Variants in ADAMTS15 observed in about 807,000 individuals in gnomAD.
ADAMTS15 encodes ADAM metallopeptidase with thrombospondin type 1 motif 15.
A neutral mutation model predicts 79.1 loss-of-function variants in ADAMTS15; 35 were observed. The observed-to-expected ratio is 0.44, with a 90% CI of 0.34 to 0.59. ADAMTS15 has a LOEUF of 0.59. Among genes scored for constraint, ADAMTS15 ranks in the 20% least tolerant of loss-of-function variants. ADAMTS15 has a pLI of 0.02. For synonymous variants in ADAMTS15, 616 were observed against 567.3 expected (o/e 1.09, Z -1.22); for missense variants, 1,324 against 1,318.7 (o/e 1.00, Z -0.06).
intron 4 of ADAMTS15, among the ~76,000 whole-genome samples, chr11:130,464,882 G>T (rs568310029): frequency 6.6e-6 from 1 of 151,916 alleles, no homozygotes; most frequent in Non-Finnish European, 1.5e-5. Flanking sequence ...CAGAAGGATG[G>T]CTTGAACACG....
intron 5 of ADAMTS15, among the ~76,000 whole-genome samples, chr11:130,469,913 T>C (rs1938386736): frequency 6.6e-6 from 1 of 151,764 alleles, no homozygotes; most frequent in Non-Finnish European, 1.5e-5. Flanking sequence ...ATTAGTATTT[T>C]TTTAACTACC....
rs1488474529 is a variant in ADAMTS15, at chr11:130,462,736, C to T, written c.1498C>T (p.Leu500Phe). The T allele has an allele frequency of 1.0e-5, 16 of 1,605,272 alleles. No homozygotes were observed. Among genetic ancestry groups the T allele is most frequent in the African/African-American group, 2.7e-5 (2 of 74,814 alleles). Residue 500 changes from leucine (L) to phenylalanine (F), a missense_variant, in exon 4 of 8, where the codon CTC (leucine) becomes TTC (phenylalanine). Leu to Phe is a conservative substitution (Grantham distance 22, BLOSUM62 0). Transcript: ENST00000299164. The surrounding 1 kb of genome is among the most constrained non-coding windows in gnomAD (Gnocchi z 4.3). ...GTSCGEGKLC[L>F]KGACVERHNL... ...CAGCTGTGGCGAGGGCAAGCTCTGC[C>T]TCAAAGGGGCCTGCGTGGAGAGACA...
chr11:130,473,793 T>C lies in ADAMTS15; in HGVS notation c.2825T>C (p.Leu942Pro). Reference protein sequence around the residue: ...QCNLHRKPQELDFCVLRPC With the variant: ...QCNLHRKPQEPDFCVLRPC Reference sequence around the variant, plus strand: ...AACTTGCACCGCAAGCCCCAGGAGCTGGACTTCTGCGTCCTGAGGCCGTGC... The same window carrying C: ...AACTTGCACCGCAAGCCCCAGGAGCCGGACTTCTGCGTCCTGAGGCCGTGC... The change falls in exon 8 of 8, where the codon CTG becomes CCG. Residue 942 changes from leucine (L) to proline (P), a missense_variant. Physicochemically the swap from Leu to Pro is moderately conservative, Grantham distance 98 (BLOSUM62 -3). Coordinates refer to ENST00000299164, the MANE Select transcript of ADAMTS15 (RefSeq NM_139055.4). The C allele has an allele frequency of 6.3e-7, 1 of 1,598,134 alleles. No individual in the cohort carries two copies. Among genetic ancestry groups the C allele is most frequent in the Non-Finnish European group, 8.5e-7 (1 of 1,179,140 alleles).
chr11:130,470,207 T>TATATACAC (rs1204201965), intron 5 of ADAMTS15, among the ~76,000 whole-genome samples: 1 of 60,228 alleles, frequency 1.7e-5, no homozygotes, highest in Non-Finnish European at 3.1e-5. Flanking sequence ...TATATATATA[T>TATATACAC]ATGTATATAT....
At chr11:130,470,887 C>T (rs746737064) in intron 5 of ADAMTS15, 33 bp from the exon 6 acceptor site, 1 of 1,599,440 alleles carries the variant, frequency 6.3e-7, no homozygotes, top group Non-Finnish European at 8.5e-7. Context: ...GTCCCTTCCC[C>T]TCAACTTCTT....
At chr11:130,469,511 A>G (rs889296112) in intron 5 of ADAMTS15, 72 bp downstream of exon 5, 121 of 1,184,630 alleles carry the variant, frequency 1.0e-4, no homozygotes, top group Non-Finnish European at 1.2e-4. Flanking sequence ...CCCCACCCCT[A>G]CTCCATGTAA....
intron 4 of ADAMTS15, among the ~76,000 whole-genome samples, chr11:130,463,899 C>T (rs528896793): frequency 3.3e-5 from 5 of 152,068 alleles, no homozygotes; most frequent in Non-Finnish European, 7.4e-5. Context: ...AAAATTGTCA[C>T]GGGAGAACCA....
At position 130,449,173 on chromosome 11, in the gene ADAMTS15, A is replaced by G. The variant is rs543981274; in HGVS notation, c.200A>G (p.His67Arg). 81 of 1,611,642 alleles carry G rather than the reference A, an allele frequency of 5.0e-5. No individual in the cohort carries two copies. The Admixed American group carries it at 5.9e-4, about 12-fold the overall frequency. ...GCATTTCAGGAGGACTTTTACCTAC[A>G]CCTGACGCCGGATGCTCAGTTCTTG... is the stretch of plus-strand genomic sequence containing the variant. ...ITAFQEDFYL[H>R]LTPDAQFLAP... Residue 67 changes from histidine (H) to arginine (R), a missense_variant, in exon 1 of 8, where the codon CAC becomes CGC. Coordinates refer to ENST00000299164, the MANE Select transcript of ADAMTS15 (RefSeq NM_139055.4). This position sits in a 1 kb window ranked among gnomAD's most constrained non-coding sequence, Gnocchi z 7.8.
At chr11:130,459,025 GTTTTTTTTTTTTTTT>G (rs757221690) in intron 1 of ADAMTS15, among the ~76,000 whole-genome samples, 1 of 75,408 alleles carries the variant, frequency 1.3e-5, no homozygotes, top group Non-Finnish European at 2.4e-5. Flanking sequence ...CCTCCCAAGT[GTTTTTTTTTTTTTTT>G]TTTTTTTTTT....
intron 4 of ADAMTS15, among the ~76,000 whole-genome samples, chr11:130,465,225 G>A (rs1938277172): frequency 6.6e-6 from 1 of 151,994 alleles, no homozygotes; most frequent in African/African-American, 2.4e-5. Flanking sequence ...TAATCAGAAG[G>A]GAACTTCCAC....
Position 130,448,884 on chromosome 11 carries a change from C to G in ADAMTS15, c.-90C>G. On this transcript the variant is annotated 5_prime_UTR_variant, in exon 1 of 8. Coordinates refer to ENST00000299164, the MANE Select transcript of ADAMTS15 (RefSeq NM_139055.4). ...CGGCTGTCCCGTAGCGTTGGCGGTT[C>G]CAGAGTGCGGGCTGCACGGAGACCG... 1 of 1,025,704 alleles carries G rather than the reference C, an allele frequency of 9.7e-7. No individual in the cohort carries two copies. 63.5% of individuals were successfully genotyped at this position (1,025,704 alleles called of 1,614,324 possible). A position where few individuals can be genotyped will look rare whatever the true frequency, so the allele number is the denominator to read the frequency against.
chr11:130,471,345 G>A lies in ADAMTS15; in HGVS notation c.2040G>A (p.Lys680=). 6 of 1,611,456 alleles carry A rather than the reference G, an allele frequency of 3.7e-6. No individual in the cohort carries two copies. In the South Asian group the frequency reaches 4.4e-5, roughly 12 times the overall value. The change falls in exon 7 of 8, where the codon AAG becomes AAA. Residue 680 remains lysine, a synonymous_variant. Transcript: ENST00000299164. ...GTGGGGTGTGTGGGGGAGACAATAA[G>A]AGCTGCAAGAAGGTGACTGGACTCT... is the stretch of plus-strand genomic sequence containing the variant. ...DKCGVCGGDN[K]SCKKVTGLFT... is the part of the protein sequence containing the mutation.
intron 1 of ADAMTS15, among the ~76,000 whole-genome samples, chr11:130,460,832 G>A (rs951791713): frequency 6.6e-6 from 1 of 152,132 alleles, no homozygotes; most frequent in Admixed American, 6.5e-5. Context: ...TCCTGCTTAG[G>A]TGGCCATCTC....
chr11:130,458,850 C>T (rs1350331909), intron 1 of ADAMTS15, among the ~76,000 whole-genome samples: 1 of 152,020 alleles, frequency 6.6e-6, no homozygotes, highest in East Asian at 1.9e-4. Flanking sequence ...GAGCTCCAGC[C>T]TTGCTGGGTC....
intron 1 of ADAMTS15, among the ~76,000 whole-genome samples, chr11:130,458,972 C>T (rs1270640): frequency 0.014 from 2,139 of 151,006 alleles, 15 homozygotes; most frequent in Non-Finnish European, 0.022. Context: ...ATCCATGTTT[C>T]TCAGCTGTCA....
intron 4 of ADAMTS15, among the ~76,000 whole-genome samples, chr11:130,463,177 GT>G (rs922237792): frequency 1.3e-5 from 2 of 152,192 alleles, no homozygotes; most frequent in African/African-American, 2.4e-5. Flanking sequence ...CTCTTTCCCA[GT>G]GTGTTCCACA....
intron 5 of ADAMTS15, 25 bp downstream of exon 5, chr11:130,469,464 C>T (rs752964497): frequency 5.3e-6 from 7 of 1,318,244 alleles, no homozygotes; most frequent in South Asian, 2.8e-5. Flanking sequence ...GCAGTGGTGG[C>T]CTGGGCCCAG....
rs1348180294 is a variant in ADAMTS15, at chr11:130,474,075, G to A, written c.*254G>A. On this transcript the variant is annotated 3_prime_UTR_variant, in exon 8 of 8. Coordinates refer to ENST00000299164, the MANE Select transcript of ADAMTS15 (RefSeq NM_139055.4). ...GCCGGTTGCGGGGAGAGGCTTTGAG[G>A]TGCAGGGCAGAAGGTGCTGAGGCCC... 8.3e-6 allele frequency: 4 copies of A among 479,876 alleles called. No homozygotes were observed. The highest frequency in any genetic ancestry group is 5.8e-5 in the African/African-American group (3 of 51,386). 29.7% of individuals were successfully genotyped at this position (479,876 alleles called of 1,614,324 possible). A position where few individuals can be genotyped will look rare whatever the true frequency, so the allele number is the denominator to read the frequency against.
intron 1 of ADAMTS15, among the ~76,000 whole-genome samples, chr11:130,458,059 G>C (rs1316425418): frequency 2.0e-5 from 3 of 152,124 alleles, no homozygotes; most frequent in Non-Finnish European, 2.9e-5. Flanking sequence ...GCCTGCAGCT[G>C]CATGTCTTTG....
Sources: gnomAD v4.1 joint callset for allele counts (sites outside exome capture counted in the v4.1 genomes callset) on GRCh38, gnomAD v4.1.1 for gene constraint, Gnocchi (gnomAD v3.1) non-coding constraint, MANE v1.5 for transcripts, NCBI Gene and HGNC (gene_info 2026-07-23, HGNC 2026-07-21) for gene names.